Variants in GOLGB1 observed in about 807,000 individuals in gnomAD.
GOLGB1 encodes the protein golgin B1.
Under a neutral mutation model 336.9 loss-of-function variants are expected in GOLGB1, and 174 were observed. The ratio of observed to expected loss-of-function variants is 0.52; its 90% CI spans 0.46 to 0.59. The LOEUF (loss-of-function observed/expected upper bound fraction) is 0.59, where lower values mean the gene tolerates loss of function less well. Ranked by LOEUF, GOLGB1 falls within the 20% of genes least tolerant of loss-of-function variation. The probability of loss-of-function intolerance (pLI) is 0.00; values close to 1 mark genes in which losing one functional copy is unlikely to be tolerated. For missense variants in GOLGB1, 3,331 were observed against 3,645.3 expected (o/e 0.91, Z 2.22); for synonymous variants, 1,208 against 1,289.2 (o/e 0.94, Z 1.35).
chr3:121,714,825 A>G, intron 10 of GOLGB1, 36 bp downstream of exon 10: 1 of 1,231,944 alleles, frequency 8.1e-7, no homozygotes, highest in Non-Finnish European at 1.2e-6. Flanking sequence ...GCAAAGACAA[A>G]CAGTTAATAT....
In GOLGB1 at chr3:121,694,869, T is replaced by G. The variant is rs771505096; in HGVS notation, c.5654A>C (p.Lys1885Thr). The G allele has an allele frequency of 1.2e-6, 2 of 1,613,858 alleles. No individual in the cohort carries two copies. Among genetic ancestry groups the G allele is most frequent in the Non-Finnish European group, 8.5e-7 (1 of 1,179,816 alleles). Residue 1885 changes from lysine (K) to threonine (T), a missense_variant, in exon 13 of 22, where the codon AAG becomes ACG. By Grantham distance (78) the Lys-to-Thr change is moderately conservative (BLOSUM62 -1). Transcript: ENST00000614479. ...KNTLLSQIST[K>T]DGELKMLQEE... is the part of the protein sequence containing the mutation. ...CTGAAGCATTTTTAGTTCACCATCC[T>G]TTGTTGATATCTGACTCAGTAAGGT...
intron 14 of GOLGB1, among the ~76,000 whole-genome samples, chr3:121,687,350 T>C (rs1222646856): frequency 1.3e-5 from 2 of 152,208 alleles, no homozygotes; most frequent in Non-Finnish European, 2.9e-5. Context: ...AGTACAACTT[T>C]TAAATATTTT....
Position 121,727,044 on chromosome 3 carries a change from GA to G in GOLGB1, c.403-4del. 1 of 1,520,650 alleles carries G rather than the reference GA, an allele frequency of 6.6e-7. No homozygotes were observed. Among genetic ancestry groups the G allele is most frequent in the African/African-American group, 1.4e-5 (1 of 72,448 alleles). 94.2% of individuals were successfully genotyped at this position (1,520,650 alleles called of 1,614,324 possible). On this transcript the variant is annotated splice_region_variant and splice_polypyrimidine_tract_variant and intron_variant, in intron 4 of 21. Coordinates refer to ENST00000614479, the MANE Select transcript of GOLGB1 (RefSeq NM_001366282.2). ...TCCTCTGTAGAACTCTTGTCATGCT[GA>G]AAATGCAGGAGATAAAGTCATTATT...
At chr3:121,723,593 C>T (rs1945342767) in intron 5 of GOLGB1, among the ~76,000 whole-genome samples, 1 of 152,102 alleles carries the variant, frequency 6.6e-6, no homozygotes, top group African/African-American at 2.4e-5. Flanking sequence ...AAGTAGTATT[C>T]CAGTGTGTGG....
intron 1 of GOLGB1, among the ~76,000 whole-genome samples, chr3:121,747,560 G>A (rs1947454660): frequency 6.6e-6 from 1 of 151,662 alleles, no homozygotes; most frequent in Non-Finnish European, 1.5e-5. Context: ...CTGCTGTGTA[G>A]CCATGGAAAG....
rs773933431 is a variant in GOLGB1 at position 121,697,999 on chromosome 3, G to T, written c.2524C>A (p.Gln842Lys). Residue 842 changes from glutamine to lysine, a missense_variant, in exon 13 of 22, where the codon CAA becomes AAA. Gln to Lys is a moderately conservative substitution (Grantham distance 53). Transcript: ENST00000614479. ...SEQSTLIRSLQSQLQNKESEV... is the reference protein window; with the variant it reads ...SEQSTLIRSLKSQLQNKESEV... ...CTTTCCTTATTTTGCAGCTGGCTTTGCAGGCTTCTTATCAGGGTACTCTGC... is the reference window on the plus strand; with the variant it reads ...CTTTCCTTATTTTGCAGCTGGCTTTTCAGGCTTCTTATCAGGGTACTCTGC... 6.2e-7 allele frequency: 1 copy of T among 1,614,044 alleles called. No homozygotes were observed. Among genetic ancestry groups the T allele is most frequent in the Non-Finnish European group, 8.5e-7 (1 of 1,179,946 alleles).
intron 10 of GOLGB1, among the ~76,000 whole-genome samples, chr3:121,710,664 T>A (rs541062872): frequency 1.3e-5 from 2 of 151,764 alleles, no homozygotes; most frequent in South Asian, 4.2e-4. Context: ...CATGATGAAA[T>A]TCCATTTCCA....
chr3:121,697,894 C>T lies in GOLGB1; in HGVS notation c.2629G>A (p.Glu877Lys). The change falls in exon 13 of 22, where the codon GAA becomes AAA. Residue 877 changes from glutamate (E) to lysine (K), a missense_variant. Transcript: ENST00000614479. ...EELSQALSQK[E>K]LEITKMDQLL... ...TGATCCATTTTTGTTATTTCAAGTT[C>T]CTTCTGTGAAAGAGCCTGGGACAGT... The T allele has an allele frequency of 6.2e-7, 1 of 1,613,982 alleles. No homozygotes were observed. Among genetic ancestry groups the T allele is most frequent in the Non-Finnish European group, 8.5e-7 (1 of 1,179,912 alleles).
chr3:121,666,418 G>A (rs977077700), intron 20 of GOLGB1, among the ~76,000 whole-genome samples: 3 of 152,244 alleles, frequency 2.0e-5, no homozygotes, highest in South Asian at 4.1e-4. Context: ...AGGTTTCACC[G>A]GTCTAAACAA....
At chr3:121,718,301 T>A (rs894202501) in intron 8 of GOLGB1, 87 bp downstream of exon 8, 16 of 780,410 alleles carry the variant, frequency 2.1e-5, no homozygotes, top group South Asian at 1.3e-4. Flanking sequence ...CTGAAGACTT[T>A]AAATAGGCTT....
intron 17 of GOLGB1, among the ~76,000 whole-genome samples, chr3:121,672,916 T>C (rs1939750198): frequency 6.6e-6 from 1 of 152,238 alleles, no homozygotes; most frequent in South Asian, 2.1e-4. Context: ...CTTGGTGCCT[T>C]TGTCAAAGAC....
chr3:121,670,015 TC>T (rs1939259415), intron 17 of GOLGB1, among the ~76,000 whole-genome samples: 1 of 152,188 alleles, frequency 6.6e-6, no homozygotes. Flanking sequence ...CGTTCAGTCT[TC>T]CCTTGAACAT....
chr3:121,698,995 C>T, intron 12 of GOLGB1, 66 bp from the exon 13 acceptor site: 1 of 1,228,888 alleles, frequency 8.1e-7, no homozygotes, highest in African/African-American at 1.5e-5. Flanking sequence ...AATAGCCCAA[C>T]TAAAAACTTG....
chr3:121,739,367 G>A (rs1205004231), intron 1 of GOLGB1, among the ~76,000 whole-genome samples: 1 of 151,972 alleles, frequency 6.6e-6, no homozygotes, highest in East Asian at 1.9e-4. Context: ...ACAGAAAATG[G>A]AAGCACGTCA....
chr3:121,675,077 C>T (rs1010787673), intron 17 of GOLGB1, among the ~76,000 whole-genome samples: 2 of 151,288 alleles, frequency 1.3e-5, no homozygotes, highest in African/African-American at 4.8e-5. Context: ...ACCTCATGAT[C>T]CACCCGCCTC....
intron 17 of GOLGB1, 147 bp downstream of exon 17, chr3:121,676,746 T>C (rs1183723044): frequency 4.1e-5 from 28 of 679,698 alleles, no homozygotes; most frequent in Non-Finnish European, 6.9e-5. Context: ...TGCTTTGGAA[T>C]AAGCACCCAG....
rs1030913675 is a variant in GOLGB1, at chr3:121,694,309, C to A, written c.6214G>T (p.Val2072Phe). The A allele has an allele frequency of 1.9e-6, 3 of 1,610,696 alleles. No individual in the cohort carries two copies. The highest frequency in any genetic ancestry group is 1.7e-6 in the Non-Finnish European group (2 of 1,179,766). The change falls in exon 13 of 22, where the codon GTT (valine) becomes TTT (phenylalanine). Residue 2072 changes from valine to phenylalanine, a missense_variant. Physicochemically the swap from Val to Phe is conservative, Grantham distance 50 (BLOSUM62 -1). Transcript: ENST00000614479. Reference protein sequence around the residue: ...EITKENLAQAVEHRKKAQAEL... With the variant: ...EITKENLAQAFEHRKKAQAEL... ...GCTTGTGCCTTTTTGCGGTGTTCAA[C>A]TGCTTGAGCCAGATTTTCTTTGGTT...
At chr3:121,675,205 G>A (rs1940195265) in intron 17 of GOLGB1, among the ~76,000 whole-genome samples, 1 of 152,132 alleles carries the variant, frequency 6.6e-6, no homozygotes, top group Admixed American at 6.5e-5. Flanking sequence ...AGTGACCTAT[G>A]CAGTGTTTCT....
intron 9 of GOLGB1, among the ~76,000 whole-genome samples, chr3:121,715,883 T>C (rs1481995836): frequency 1.3e-5 from 2 of 152,002 alleles, no homozygotes; most frequent in African/African-American, 4.8e-5. Context: ...TCCAAGCTAC[T>C]TGGGAGGCTG....
Sources: allele counts gnomAD v4.1 joint callset (sites outside exome capture counted in the v4.1 genomes callset), GRCh38; gene constraint gnomAD v4.1.1; transcripts MANE v1.5; gene names NCBI Gene and HGNC (gene_info 2026-07-23, HGNC 2026-07-21).